TMEM156: variants seen among roughly 807,000 people sequenced by gnomAD.
TMEM156 encodes the protein transmembrane protein 156.
TMEM156 carries 28 observed loss-of-function variants against 30.5 expected under a neutral mutation model. That is an observed-to-expected ratio of 0.92 (90% confidence interval 0.68 to 1.26). The LOEUF (loss-of-function observed/expected upper bound fraction) is 1.26, where lower values mean the gene tolerates loss of function less well. Ranked by LOEUF, TMEM156 falls within the 50% of genes most tolerant of loss-of-function variation. The pLI, the probability that TMEM156 is intolerant of heterozygous loss-of-function variation, is 0.00. For synonymous variants in TMEM156, 137 were observed against 119.9 expected, an observed-to-expected ratio of 1.14 and a Z score of -0.93; for missense variants, 351 against 340.6, an observed-to-expected ratio of 1.03 and a Z score of -0.24.
At chr4:39,017,554 G>C (rs1313456832) in intron 1 of TMEM156, among the ~76,000 whole-genome samples, 1 of 152,084 alleles carries the variant, frequency 6.6e-6, no homozygotes, top group Admixed American at 6.6e-5. Context: ...ACATCCATTA[G>C]ATAAAACTAG....
intron 5 of TMEM156, among the ~76,000 whole-genome samples, chr4:38,983,127 C>T (rs1216833775): frequency 6.6e-6 from 1 of 152,146 alleles, no homozygotes; most frequent in Non-Finnish European, 1.5e-5. Context: ...CTCACCAGAC[C>T]ATTCCTGACA....
chr4:39,000,718 C>G (rs1328589265), intron 1 of TMEM156, among the ~76,000 whole-genome samples: 2 of 151,968 alleles, frequency 1.3e-5, no homozygotes, highest in Admixed American at 1.3e-4. Flanking sequence ...GAAACCTCAT[C>G]TCTACTAAAA....
chr4:39,020,290 C>T (rs2711967), intron 1 of TMEM156, among the ~76,000 whole-genome samples: 90,217 of 151,954 alleles, frequency 0.59, 26,870 homozygotes, highest in African/African-American at 0.65. Flanking sequence ...ATTCCACATC[C>T]GGACTATTGT....
intron 1 of TMEM156, among the ~76,000 whole-genome samples, chr4:39,018,656 C>T (rs1453022772): frequency 6.6e-6 from 1 of 152,118 alleles, no homozygotes; most frequent in Non-Finnish European, 1.5e-5. Flanking sequence ...TTGTTGTTTT[C>T]AAGAGATGAG....
At chr4:38,986,853 G>GAAAAAAAAAAAAAAAAAAAAAA (rs1712036216) in intron 4 of TMEM156, among the ~76,000 whole-genome samples, 1 of 84,070 alleles carries the variant, frequency 1.2e-5, no homozygotes, top group Admixed American at 1.4e-4. Flanking sequence ...AAAAAAAAAG[G>GAAAAAAAAAAAAAAAAAAAAAA]AAAGCGACAG....
At chr4:39,002,347 C>G (rs183952570) in intron 1 of TMEM156, among the ~76,000 whole-genome samples, 1 of 151,948 alleles carries the variant, frequency 6.6e-6, no homozygotes, top group African/African-American at 2.4e-5. Flanking sequence ...CCATCTCACA[C>G]CAGTTAGAAA....
chr4:39,010,524 A>G (rs903139587), intron 1 of TMEM156, among the ~76,000 whole-genome samples: 2 of 152,238 alleles, frequency 1.3e-5, no homozygotes, highest in Admixed American at 1.3e-4. Flanking sequence ...CTACAAGGCT[A>G]GAGTAACAAA....
intron 1 of TMEM156, among the ~76,000 whole-genome samples, chr4:39,015,788 C>T (rs1051537891): frequency 3.9e-5 from 6 of 152,116 alleles, no homozygotes; most frequent in African/African-American, 9.7e-5. Context: ...AATTGAATCA[C>T]GGGGGCTGTT....
intron 5 of TMEM156, among the ~76,000 whole-genome samples, chr4:38,979,771 C>T (rs1723085540): frequency 6.6e-6 from 1 of 152,186 alleles, no homozygotes; most frequent in Non-Finnish European, 1.5e-5. Context: ...TCAAGTTAGT[C>T]TTCATAGATT....
At chr4:38,978,070 T>C (rs1722965220) in intron 5 of TMEM156, among the ~76,000 whole-genome samples, 1 of 152,192 alleles carries the variant, frequency 6.6e-6, no homozygotes, top group South Asian at 2.1e-4. Context: ...GTTACTTTGG[T>C]CCTGATGATT....
intron 1 of TMEM156, among the ~76,000 whole-genome samples, chr4:39,027,917 C>T (rs537747584): frequency 3.9e-5 from 6 of 151,990 alleles, no homozygotes; most frequent in East Asian, 1.9e-4. Flanking sequence ...CTGCCATGCC[C>T]GGCTAATTTT....
In TMEM156 at chr4:39,018,692, T is replaced by C. The variant is rs183946264; in HGVS notation, c.88+13534A>G. Among the ~76,000 whole-genome samples the C allele has an allele frequency of 1.6e-3, 244 of 152,308 alleles. 2 individuals carry two copies. The highest frequency in any genetic ancestry group is 2.0e-3 in the Non-Finnish European group (139 of 68,022). On this transcript the variant is annotated intron_variant, in intron 1 of 6. Transcript: ENST00000381938. ...CTATCAGACTATTGTTCCTTTAAAC[T>C]TTTTAAAGACAATCTGCATTTATCC...
In TMEM156 at chr4:39,004,158, T is replaced by G. The variant is rs149037016; in HGVS notation, c.89-5249A>C. On this transcript the variant is annotated intron_variant, in intron 1 of 6. Coordinates refer to ENST00000381938, the MANE Select transcript of TMEM156 (RefSeq NM_024943.3). ...TGAATTTAACTGCTGCCATTAATAC[T>G]GCTGAGAGTCAACATCTAAATGTTC... 7.4e-3 allele frequency among the ~76,000 whole-genome samples: 1,124 copies of G among 152,314 alleles called. 7 individuals are homozygous for G. The highest frequency in any genetic ancestry group is 0.034 in the Middle Eastern group (10 of 294).
chr4:39,011,549 G>A (rs1577568688), intron 1 of TMEM156, among the ~76,000 whole-genome samples: 1 of 152,200 alleles, frequency 6.6e-6, no homozygotes, highest in Non-Finnish European at 1.5e-5. Flanking sequence ...GCCAAGGCAG[G>A]TGAATCACGA....
chr4:38,999,559 T>C (rs745711889), intron 1 of TMEM156, among the ~76,000 whole-genome samples: 1 of 152,208 alleles, frequency 6.6e-6, no homozygotes, highest in Non-Finnish European at 1.5e-5. Flanking sequence ...TGTATCAGTT[T>C]CCTAGGGCTG....
chr4:39,031,361 T>G (rs1715490744), intron 1 of TMEM156, among the ~76,000 whole-genome samples: 1 of 152,194 alleles, frequency 6.6e-6, no homozygotes, highest in Non-Finnish European at 1.5e-5. Context: ...GTTCACAAAG[T>G]TAATTTTGTT....
rs530105297 is a variant in TMEM156, at chr4:39,020,393, G to A, written c.88+11833C>T. Among the ~76,000 whole-genome samples, 50 of 152,096 alleles carry A rather than the reference G, an allele frequency of 3.3e-4. 1 individual carries two copies. The highest frequency in any genetic ancestry group is 2.5e-3 in the Admixed American group (38 of 15,272). On this transcript the variant is annotated intron_variant, in intron 1 of 6. Coordinates refer to ENST00000381938, the MANE Select transcript of TMEM156 (RefSeq NM_024943.3). ...ATAACCAGGAGTGGGATTGCTGGGC[G>A]ATATGGTAGTTCTACTTTTTTTTAA...
chr4:38,968,345 GC>G (rs1166754302), intron 6 of TMEM156, among the ~76,000 whole-genome samples: 1 of 152,098 alleles, frequency 6.6e-6, no homozygotes, highest in Non-Finnish European at 1.5e-5. Flanking sequence ...TAAACGCTAG[GC>G]ATCATGTCCT....
chr4:38,981,013 T>C, intron 5 of TMEM156: 2 of 920,282 alleles, frequency 2.2e-6, no homozygotes, highest in Non-Finnish European at 1.3e-6. Context: ...AGAATCATCC[T>C]CTTCACTTTG....
Sources: allele counts gnomAD v4.1 joint callset (sites outside exome capture counted in the v4.1 genomes callset), GRCh38; gene constraint gnomAD v4.1.1; transcripts MANE v1.5; gene names NCBI Gene and HGNC (gene_info 2026-07-23, HGNC 2026-07-21).